Variants in FIRRM observed in about 807,000 individuals in gnomAD.
FIRRM encodes the protein FIGNL1 interacting regulator of recombination and mitosis.
At chr1:169,827,530 C>T in the FIRRM span, among the ~76,000 whole-genome samples, 6 of 152,170 alleles carry the variant, frequency 3.9e-5, no homozygotes, top group East Asian at 3.9e-4. Flanking sequence ...CCCAGCTACT[C>T]GGGAGGCTGA....
the FIRRM span, among the ~76,000 whole-genome samples, chr1:169,846,525 T>A: frequency 6.6e-6 from 1 of 152,242 alleles, no homozygotes; most frequent in Non-Finnish European, 1.5e-5. Context: ...ATCAGTGATC[T>A]TAGCCAGATC....
chr1:169,807,710 C>A, the FIRRM span: 2 of 1,245,322 alleles, frequency 1.6e-6, no homozygotes, highest in African/African-American at 1.6e-5. Context: ...AAATGTTCTA[C>A]AAGGTAGATA....
chr1:169,851,724 T>TTG, the FIRRM span: 4 of 1,499,014 alleles, frequency 2.7e-6, no homozygotes, highest in Admixed American at 8.1e-5. Flanking sequence ...CCTAGTATGG[T>TTG]TGAACACTCA....
the FIRRM span, among the ~76,000 whole-genome samples, chr1:169,813,810 C>T: frequency 6.6e-6 from 1 of 152,312 alleles, no homozygotes; most frequent in African/African-American, 2.4e-5. Flanking sequence ...TAACACTGGT[C>T]TTAGAGTTGC....
chr1:169,796,686 G>A, the FIRRM span, among the ~76,000 whole-genome samples: 6 of 152,132 alleles, frequency 3.9e-5, no homozygotes, highest in African/African-American at 1.4e-4. Context: ...AGTTAAGAGG[G>A]GAAAAACATA....
the FIRRM span, among the ~76,000 whole-genome samples, chr1:169,813,047 T>A: frequency 2.6e-5 from 4 of 152,154 alleles, no homozygotes; most frequent in African/African-American, 9.7e-5. Flanking sequence ...ACATAGCCAA[T>A]CAACATATAA....
At chr1:169,829,468 G>T in the FIRRM span, 1 of 1,584,684 alleles carries the variant, frequency 6.3e-7, no homozygotes, top group South Asian at 1.2e-5. Flanking sequence ...ATTACTTACT[G>T]TGCTAAGCTA....
the FIRRM span, among the ~76,000 whole-genome samples, chr1:169,813,996 TG>T: frequency 6.6e-6 from 1 of 152,352 alleles, no homozygotes; most frequent in South Asian, 2.1e-4. Flanking sequence ...ACTCAATTTT[TG>T]TAATTAATTT....
At chr1:169,791,975 A>C in the FIRRM span, among the ~76,000 whole-genome samples, 1 of 152,168 alleles carries the variant, frequency 6.6e-6, no homozygotes, top group South Asian at 2.1e-4. Flanking sequence ...TCCTACCAAG[A>C]CCGCAGGATC....
At chr1:169,790,917 T>A in the FIRRM span, among the ~76,000 whole-genome samples, 2 of 152,180 alleles carry the variant, frequency 1.3e-5, no homozygotes, top group South Asian at 4.1e-4. Context: ...AATTTTTCCA[T>A]GAAGGGCTGG....
the FIRRM span, among the ~76,000 whole-genome samples, chr1:169,844,844 A>C: frequency 1.3e-5 from 2 of 152,240 alleles, no homozygotes; most frequent in Non-Finnish European, 2.9e-5. Flanking sequence ...TGCTTCCTTT[A>C]TAAAAGATTT....
chr1:169,799,373 T>C, the FIRRM span, among the ~76,000 whole-genome samples: 9 of 152,212 alleles, frequency 5.9e-5, no homozygotes, highest in African/African-American at 1.7e-4. Flanking sequence ...TTGGAGGAAG[T>C]TGACTTTCTC....
chr1:169,841,519 C>T, the FIRRM span, among the ~76,000 whole-genome samples: 1 of 152,186 alleles, frequency 6.6e-6, no homozygotes. Context: ...ATAAGACCTT[C>T]CCTGTACCCC....
At chr1:169,795,085 C>G in the FIRRM span, 4 of 1,529,524 alleles carry the variant, frequency 2.6e-6, no homozygotes, top group Non-Finnish European at 3.5e-6. Flanking sequence ...GTTTGAAGCT[C>G]TCCTGTTTGA....
chr1:169,807,299 AT>A, the FIRRM span, among the ~76,000 whole-genome samples: 1 of 152,196 alleles, frequency 6.6e-6, no homozygotes, highest in East Asian at 1.9e-4. Flanking sequence ...CTTAAGAGTT[AT>A]ATCTTCATGA....
the FIRRM span, chr1:169,830,643 T>TTGA: frequency 1.3e-6 from 2 of 1,529,238 alleles, no homozygotes; most frequent in Non-Finnish European, 1.8e-6. Flanking sequence ...GTTCATCTCC[T>TTGA]TATGTTTCTG....
the FIRRM span, among the ~76,000 whole-genome samples, chr1:169,792,080 A>G: frequency 1.3e-5 from 2 of 152,186 alleles, no homozygotes; most frequent in Non-Finnish European, 2.9e-5. Flanking sequence ...CCTCATCTCC[A>G]TGTGAATTTA....
chr1:169,829,942 CAT>C, the FIRRM span, among the ~76,000 whole-genome samples: 1 of 152,090 alleles, frequency 6.6e-6, no homozygotes, highest in Admixed American at 6.6e-5. Context: ...GGAATATAAG[CAT>C]ATATGTTATT....
the FIRRM span, among the ~76,000 whole-genome samples, chr1:169,787,912 A>G: frequency 3.9e-4 from 60 of 152,064 alleles, no homozygotes; most frequent in Non-Finnish European, 7.1e-4. Flanking sequence ...CCATTTTCCT[A>G]TATCTTATCA....
Sources: allele counts gnomAD v4.1 joint callset (sites outside exome capture counted in the v4.1 genomes callset), GRCh38; gene constraint gnomAD v4.1.1; transcripts MANE v1.5; gene names NCBI Gene and HGNC (gene_info 2026-07-23, HGNC 2026-07-21).